ADAMTS3: variants seen among roughly 807,000 people sequenced by gnomAD.
ADAMTS3 encodes A disintegrin and metalloproteinase with thrombospondin motifs 3.
In ADAMTS3, 73 loss-of-function variants were observed where a neutral mutation model predicts 129.0. The ratio of observed to expected loss-of-function variants is 0.57; its 90% CI spans 0.47 to 0.69. The LOEUF is 0.69. ADAMTS3 is among the 30% of genes least tolerant of loss of function. The pLI is 0.00. For synonymous variants in ADAMTS3, 477 were observed against 510.8 expected (o/e 0.93, Z 0.89); for missense variants, 1,457 against 1,514.5 (o/e 0.96, Z 0.63).
chr4:72,525,699 G>A (rs1280436371), intron 3 of ADAMTS3, among the ~76,000 whole-genome samples: 1 of 152,128 alleles, frequency 6.6e-6, no homozygotes, highest in East Asian at 1.9e-4. Context: ...CCCTTCCTGA[G>A]CTATGCTTCT....
chr4:72,304,158 C>T (rs1352464959), intron 16 of ADAMTS3, 78 bp from the exon 17 acceptor site: 1 of 1,354,820 alleles, frequency 7.4e-7, no homozygotes, highest in African/African-American at 1.5e-5. Flanking sequence ...GCAAGTATAT[C>T]CTTTCTACAA....
At chr4:72,342,530 A>T (rs1560479822) in intron 4 of ADAMTS3, among the ~76,000 whole-genome samples, 1 of 151,438 alleles carries the variant, frequency 6.6e-6, no homozygotes, top group Non-Finnish European at 1.5e-5. Context: ...TGCCCAGCTA[A>T]TTTTTTTTCT....
chr4:72,568,664 T>G (rs775090433), intron 1 of ADAMTS3, 30 bp downstream of exon 1: 546 of 1,439,664 alleles, frequency 3.8e-4, no homozygotes, highest in Non-Finnish European at 4.8e-4. Context: ...GGGTTTGAGT[T>G]TTTTTTTATT....
intron 5 of ADAMTS3, among the ~76,000 whole-genome samples, chr4:72,332,746 T>A (rs1177100517): frequency 6.6e-6 from 1 of 152,128 alleles, no homozygotes; most frequent in Non-Finnish European, 1.5e-5. Flanking sequence ...CAACCTACCA[T>A]CTTAACCATA....
intron 5 of ADAMTS3, chr4:72,330,394 A>G (rs550399791): frequency 2.0e-5 from 3 of 152,314 alleles, no homozygotes; most frequent in Admixed American, 6.5e-5. Context: ...CTCTACTAAC[A>G]GGACTATCTA....
chr4:72,501,557 T>G (rs1239364740), intron 3 of ADAMTS3, among the ~76,000 whole-genome samples: 5 of 152,120 alleles, frequency 3.3e-5, no homozygotes. Flanking sequence ...AATCATATCA[T>G]GAGCAAAGAG....
chr4:72,482,326 A>T (rs976659595), intron 3 of ADAMTS3, among the ~76,000 whole-genome samples: 3 of 151,920 alleles, frequency 2.0e-5, no homozygotes, highest in African/African-American at 7.2e-5. Context: ...ACACATCAAT[A>T]AAAAAAATGA....
chr4:72,322,235 G>A (rs892544425), intron 6 of ADAMTS3, among the ~76,000 whole-genome samples: 5 of 152,136 alleles, frequency 3.3e-5, no homozygotes, highest in Non-Finnish European at 7.4e-5. Flanking sequence ...ATAAGTGGAT[G>A]TTAACTGTAT....
rs749050008 is a variant in ADAMTS3, at chr4:72,311,095, A to T, written c.2008T>A (p.Cys670Ser). 2 of 1,612,598 alleles carry T rather than the reference A, an allele frequency of 1.2e-6. No homozygotes were observed. Among genetic ancestry groups the T allele is most frequent in the Non-Finnish European group, 8.5e-7 (1 of 1,178,942 alleles). The change falls in exon 14 of 22, where the codon TGT (cysteine) becomes AGT (serine). Residue 670 changes from cysteine (C) to serine (S), a missense_variant. Coordinates refer to ENST00000286657, the MANE Select transcript of ADAMTS3 (RefSeq NM_014243.3). ...MKQLVHDGTH[C>S]SYKDPYSICV... ...ATGCTATATGGATCTTTGTAAGAAC[A>T]GTGCGTTCCATCATGCACCAGTTGT... is the stretch of plus-strand genomic sequence containing the variant.
Position 72,282,942 on chromosome 4 carries a change from G to A in ADAMTS3, c.*194C>T, listed in dbSNP as rs1394859667. 1.1e-5 allele frequency: 5 copies of A among 469,498 alleles called. No homozygotes were observed. The highest frequency in any genetic ancestry group is 1.9e-5 in the Non-Finnish European group (5 of 266,400). 29.1% of individuals were successfully genotyped at this position (469,498 alleles called of 1,614,324 possible). The stretch of plus-strand genomic sequence containing the variant: ...TGGTGATTTCTTCCAATGAATTCTG[G>A]TAAATGAGTCAATGCAGAACAAAAG... On this transcript the variant is annotated 3_prime_UTR_variant, in exon 22 of 22. Coordinates refer to ENST00000286657, the MANE Select transcript of ADAMTS3 (RefSeq NM_014243.3).
rs141367584 is a variant in ADAMTS3, at chr4:72,485,712, A to G, written c.504+62766T>C. The stretch of plus-strand genomic sequence containing the variant: ...TGTTCAATGCCTTCTAAATATAACA[A>G]CTGCTATGGTCTGAATGTTAGCATC... On this transcript the variant is annotated intron_variant, in intron 3 of 21. Transcript: ENST00000286657. 1.1e-4 allele frequency among the ~76,000 whole-genome samples: 16 copies of G among 152,322 alleles called. No homozygotes were observed. In the East Asian group the frequency reaches 2.3e-3, roughly 22 times the overall value.
intron 17 of ADAMTS3, among the ~76,000 whole-genome samples, chr4:72,299,097 G>GTA (rs1718888130): frequency 6.9e-6 from 1 of 144,076 alleles, no homozygotes; most frequent in East Asian, 2.2e-4. Flanking sequence ...GTGTGTGTGT[G>GTA]TGTACAGACA....
chr4:72,315,444 G>T (rs948170054), intron 11 of ADAMTS3, among the ~76,000 whole-genome samples: 1 of 152,132 alleles, frequency 6.6e-6, no homozygotes, highest in East Asian at 1.9e-4. Flanking sequence ...TGAGGAAAAC[G>T]CAATGTGGCC....
chr4:72,522,535 A>G (rs1371205973), intron 3 of ADAMTS3, among the ~76,000 whole-genome samples: 5 of 152,138 alleles, frequency 3.3e-5, no homozygotes, highest in African/African-American at 1.2e-4. Context: ...GAGGTTACCT[A>G]CAAAGTCTAC....
intron 3 of ADAMTS3, among the ~76,000 whole-genome samples, chr4:72,451,018 A>AG (rs1560520122): frequency 6.6e-6 from 1 of 150,492 alleles, no homozygotes; most frequent in Non-Finnish European, 1.5e-5. Context: ...AGAGAAGAGA[A>AG]ATTTGCAACA....
chr4:72,536,140 T>C (rs1214540251), intron 3 of ADAMTS3, among the ~76,000 whole-genome samples: 1 of 152,170 alleles, frequency 6.6e-6, no homozygotes, highest in East Asian at 1.9e-4. Context: ...AAGTCTATCA[T>C]GGTTATTATA....
chr4:72,422,413 T>C (rs1288139295), intron 3 of ADAMTS3, among the ~76,000 whole-genome samples: 1 of 152,108 alleles, frequency 6.6e-6, no homozygotes, highest in Non-Finnish European at 1.5e-5. Flanking sequence ...CCCAAACTAT[T>C]TTCCAAAATT....
chr4:72,313,813 T>C lies in ADAMTS3; in HGVS notation c.1609A>G (p.Lys537Glu). ...TECAAGKWCY[K>E]GHCMWKNANQ... ...GCATTCTTCCACATGCAATGACCCTTATAGCACCACTTAGAAAAATGACAA... is the reference window on the plus strand; with the variant it reads ...GCATTCTTCCACATGCAATGACCCTCATAGCACCACTTAGAAAAATGACAA... Residue 537 changes from lysine (K) to glutamate (E), a missense_variant, in exon 12 of 22, where the codon AAG (lysine) becomes GAG (glutamate). By Grantham distance (56) the Lys-to-Glu change is moderately conservative (BLOSUM62 1). Coordinates refer to ENST00000286657, the MANE Select transcript of ADAMTS3 (RefSeq NM_014243.3). The C allele has an allele frequency of 6.2e-7, 1 of 1,613,692 alleles. No homozygotes were observed. Among genetic ancestry groups the C allele is most frequent in the Non-Finnish European group, 8.5e-7 (1 of 1,179,748 alleles).
At chr4:72,331,086 G>A (rs1440057010) in intron 5 of ADAMTS3, among the ~76,000 whole-genome samples, 1 of 152,214 alleles carries the variant, frequency 6.6e-6, no homozygotes, top group African/African-American at 2.4e-5. Flanking sequence ...AAGGGGGAAA[G>A]GAAGAGGCAA....
Sources: allele counts gnomAD v4.1 joint callset (sites outside exome capture counted in the v4.1 genomes callset), GRCh38; gene constraint gnomAD v4.1.1; transcripts MANE v1.5; gene names NCBI Gene and HGNC (gene_info 2026-07-23, HGNC 2026-07-21).